COG5: variants seen among roughly 807,000 people sequenced by gnomAD.
The protein encoded by COG5 is component of oligomeric golgi complex 5.
In COG5, 86 loss-of-function variants were observed where a neutral mutation model predicts 110.4. The ratio of observed to expected loss-of-function variants is 0.78; its 90% confidence interval spans 0.65 to 0.93. The LOEUF (loss-of-function observed/expected upper bound fraction) is 0.93, where lower values mean the gene tolerates loss of function less well. COG5 is among the 40% of genes least tolerant of loss of function. The probability of loss-of-function intolerance (pLI) is 0.00; values close to 1 mark genes in which losing one functional copy is unlikely to be tolerated. For synonymous variants in COG5, 360 were observed against 334.6 expected (o/e 1.08, Z -0.83); for missense variants, 1,077 against 987.0 (o/e 1.09, Z -1.22).
intron 5 of COG5, 36 bp from the exon 6 acceptor site, chr7:107,527,393 A>C (rs746001992): frequency 6.2e-7 from 1 of 1,608,776 alleles, no homozygotes; most frequent in Non-Finnish European, 8.5e-7. Flanking sequence ...TAGTTGATCC[A>C]TGAAGTTTTA....
chr7:107,468,437 G>C (rs768245832), intron 6 of COG5, among the ~76,000 whole-genome samples: 62 of 152,060 alleles, frequency 4.1e-4, no homozygotes, highest in Non-Finnish European at 6.0e-4. Context: ...GTGTGTGTGT[G>C]TGTGTTTCGG....
At chr7:107,288,120 T>A (rs921459143) in intron 12 of COG5, among the ~76,000 whole-genome samples, 21 of 152,228 alleles carry the variant, frequency 1.4e-4, no homozygotes, top group African/African-American at 5.1e-4. Context: ...TCCCAACACT[T>A]TGGGAGGCTG....
chr7:107,223,616 G>T (rs1055704450), intron 19 of COG5, among the ~76,000 whole-genome samples: 13 of 152,286 alleles, frequency 8.5e-5, no homozygotes, highest in African/African-American at 3.1e-4. Flanking sequence ...CACTAAAGTG[G>T]GGAGTTTAGA....
At chr7:107,349,121 T>C (rs1461906851) in intron 10 of COG5, among the ~76,000 whole-genome samples, 1 of 152,216 alleles carries the variant, frequency 6.6e-6, no homozygotes, top group East Asian at 1.9e-4. Flanking sequence ...GAATTGTACA[T>C]ATTTTTAAAC....
At chr7:107,360,195 GC>G (rs1364218807) in intron 10 of COG5, among the ~76,000 whole-genome samples, 1 of 152,232 alleles carries the variant, frequency 6.6e-6, no homozygotes, top group Non-Finnish European at 1.5e-5. Context: ...AGGATGGTCT[GC>G]CTGTGGAACG....
intron 2 of COG5, among the ~76,000 whole-genome samples, chr7:107,555,896 C>G (rs534325563): frequency 6.6e-6 from 1 of 152,080 alleles, no homozygotes; most frequent in African/African-American, 2.4e-5. Context: ...CACCTGTAAT[C>G]TCAGCTACTC....
chr7:107,495,750 T>A (rs1798232657), intron 6 of COG5, among the ~76,000 whole-genome samples: 1 of 152,006 alleles, frequency 6.6e-6, no homozygotes, highest in Admixed American at 6.6e-5. Context: ...AATTACAGTG[T>A]AATTCTTAGA....
At chr7:107,276,473 CAG>C (rs1804709497) in intron 14 of COG5, among the ~76,000 whole-genome samples, 1 of 152,060 alleles carries the variant, frequency 6.6e-6, no homozygotes, top group African/African-American at 2.4e-5. Flanking sequence ...AGTTCGAGAC[CAG>C]CCTGAGTAAT....
intron 7 of COG5, among the ~76,000 whole-genome samples, chr7:107,385,344 G>A (rs889359871): frequency 2.6e-5 from 4 of 152,164 alleles, no homozygotes; most frequent in African/African-American, 9.7e-5. Flanking sequence ...CACCCCAGTT[G>A]TGGCAATTTT....
At chr7:107,242,462 C>CG (rs1015178866) in intron 17 of COG5, among the ~76,000 whole-genome samples, 1 of 152,188 alleles carries the variant, frequency 6.6e-6, no homozygotes, top group African/African-American at 2.4e-5. Context: ...ATCTCTTCAC[C>CG]GGGCAGGCCT....
At chr7:107,294,881 T>TTGTGTGTGTGTG (rs756358916) in intron 12 of COG5, among the ~76,000 whole-genome samples, 8 of 94,276 alleles carry the variant, frequency 8.5e-5, no homozygotes, top group African/African-American at 3.7e-4. Context: ...ATGCCTGGAT[T>TTGTGTGTGTGTG]TGTGTGTGTG....
chr7:107,324,317 G>C (rs896902644), intron 11 of COG5, 123 bp downstream of exon 11: 3 of 644,066 alleles, frequency 4.7e-6, no homozygotes, highest in Admixed American at 3.0e-5. Flanking sequence ...ATAACAATTA[G>C]CCAGGAATTT....
intron 7 of COG5, among the ~76,000 whole-genome samples, chr7:107,395,195 C>T (rs1790896958): frequency 6.6e-6 from 1 of 151,816 alleles, no homozygotes; most frequent in African/African-American, 2.4e-5. Flanking sequence ...CACCATTTCA[C>T]ACTCAAAATG....
Position 107,469,113 on chromosome 7 carries a change from AT to A in COG5, c.539-56482del, listed in dbSNP as rs1796479775. On this transcript the variant is annotated intron_variant, in intron 6 of 21. Transcript: ENST00000297135. ...ACCATTATTTTCATTTTGAAAATGT[AT>A]CTATCTTATAATGATTTGGCTTTAT... Among the ~76,000 whole-genome samples the A allele has an allele frequency of 7.9e-5, 12 of 151,478 alleles. No homozygotes were observed. The Middle Eastern group carries it at 0.01, about 130-fold the overall frequency.
intron 7 of COG5, among the ~76,000 whole-genome samples, chr7:107,395,756 T>C (rs997424484): frequency 1.3e-5 from 2 of 151,968 alleles, no homozygotes; most frequent in African/African-American, 4.8e-5. Context: ...GGTTTTTCTA[T>C]GTTGATCAGG....
At chr7:107,556,327 T>C (rs1386272741) in intron 2 of COG5, among the ~76,000 whole-genome samples, 1 of 152,230 alleles carries the variant, frequency 6.6e-6, no homozygotes, top group Non-Finnish European at 1.5e-5. Flanking sequence ...CACTAAACCC[T>C]AATAGTAAAT....
intron 11 of COG5, among the ~76,000 whole-genome samples, chr7:107,307,013 C>T (rs1301414875): frequency 6.6e-6 from 1 of 152,130 alleles, no homozygotes; most frequent in Admixed American, 6.6e-5. Flanking sequence ...CCTGAACATG[C>T]TCTCTCATGA....
chr7:107,316,447 A>T lies in COG5; in HGVS notation c.1108+7993T>A, dbSNP rs140589661. ...AGGTACAGGAAAAAATTTCTTAATG[A>T]CATTAATTGTCCTAATGACCCAGGA... On this transcript the variant is annotated intron_variant, in intron 11 of 21. Transcript: ENST00000297135. 2.4e-3 allele frequency among the ~76,000 whole-genome samples: 368 copies of T among 152,146 alleles called. 2 individuals are homozygous for T. Among genetic ancestry groups the T allele is most frequent in the Non-Finnish European group, 4.0e-3 (274 of 68,000 alleles).
At chr7:107,563,543 A>AGG (rs1491334770) in intron 1 of COG5, 90 of 316,528 alleles carry the variant, frequency 2.8e-4, no homozygotes, top group Non-Finnish European at 3.4e-4. Flanking sequence ...AGCTGGAGGC[A>AGG]TGGGGGGGGG....
Sources: allele counts gnomAD v4.1 joint callset (sites outside exome capture counted in the v4.1 genomes callset), GRCh38; gene constraint gnomAD v4.1.1; transcripts MANE v1.5; gene names NCBI Gene and HGNC (gene_info 2026-07-23, HGNC 2026-07-21).